Variants in SRBD1 observed in about 807,000 individuals in gnomAD.
SRBD1 encodes the protein S1 RNA-binding domain-containing protein 1.
SRBD1 carries 88 observed loss-of-function variants against 115.3 expected under a neutral mutation model. The observed-to-expected ratio is 0.76, with a 90% CI of 0.64 to 0.91. SRBD1 has a LOEUF of 0.91. SRBD1 is among the 40% of genes least tolerant of loss of function. The pLI is 0.00. For synonymous variants in SRBD1, 509 were observed against 407.7 expected, an observed-to-expected ratio of 1.25 and a Z score of -2.99; for missense variants, 1,385 against 1,177.4, an observed-to-expected ratio of 1.18 and a Z score of -2.58.
chr2:45,517,830 A>G (rs1172665001), intron 14 of SRBD1, among the ~76,000 whole-genome samples: 1 of 151,210 alleles, frequency 6.6e-6, no homozygotes, highest in Non-Finnish European at 1.5e-5. Flanking sequence ...TCTTGTCTGT[A>G]CCAAAAACAT....
At chr2:45,413,460 G>A (rs925258470) in intron 18 of SRBD1, among the ~76,000 whole-genome samples, 167 bp from the exon 19 acceptor site, 3 of 152,046 alleles carry the variant, frequency 2.0e-5, no homozygotes, top group Non-Finnish European at 4.4e-5. Flanking sequence ...TAAATCACTG[G>A]GAAAAGGGCT....
At chr2:45,563,119 A>G (rs1438499009) in intron 9 of SRBD1, among the ~76,000 whole-genome samples, 1 of 152,198 alleles carries the variant, frequency 6.6e-6, no homozygotes, top group African/African-American at 2.4e-5. Context: ...AAATACAAAC[A>G]TGTAAAATCC....
intron 16 of SRBD1, among the ~76,000 whole-genome samples, chr2:45,453,637 C>T (rs1209760493): frequency 6.7e-6 from 1 of 149,866 alleles, no homozygotes; most frequent in Non-Finnish European, 1.5e-5. Context: ...TAGCTTCTAA[C>T]TAGTGTTCCT....
chr2:45,608,958 C>T (rs758916546), intron 1 of SRBD1, among the ~76,000 whole-genome samples: 1 of 151,936 alleles, frequency 6.6e-6, no homozygotes, highest in Non-Finnish European at 1.5e-5. Flanking sequence ...CAGGCGTGTA[C>T]CACCACACCC....
At chr2:45,573,385 T>G in intron 8 of SRBD1, 43 bp from the exon 9 acceptor site, 1 of 1,576,862 alleles carries the variant, frequency 6.3e-7, no homozygotes, top group Non-Finnish European at 8.6e-7. Flanking sequence ...CAGTTATTAA[T>G]TTGTGCTTTA....
intron 14 of SRBD1, among the ~76,000 whole-genome samples, chr2:45,517,208 T>A (rs964533827): frequency 2.0e-5 from 3 of 152,226 alleles, no homozygotes; most frequent in Non-Finnish European, 2.9e-5. Context: ...TATCAGGCCA[T>A]GTTCTCTTCC....
Position 45,486,730 on chromosome 2 carries a change from C to CA in SRBD1, c.1966+1509dup, listed in dbSNP as rs555604166. ...CCTGGGTGACAGCGAGACCCCATCTCAAAAAAAATAAAATAAAATAAAATA... is the reference window on the plus strand; with the variant it reads ...CCTGGGTGACAGCGAGACCCCATCTCAAAAAAAAATAAAATAAAATAAAATA... On this transcript the variant is annotated intron_variant, in intron 15 of 20. Coordinates refer to ENST00000263736, the MANE Select transcript of SRBD1 (RefSeq NM_018079.5). Among the ~76,000 whole-genome samples, 337 of 145,782 alleles carry CA rather than the reference C, an allele frequency of 2.3e-3. 2 individuals are homozygous for CA. Among genetic ancestry groups the CA allele is most frequent in the African/African-American group, 8.4e-3 (328 of 38,846 alleles).
intron 14 of SRBD1, among the ~76,000 whole-genome samples, chr2:45,521,476 G>A (rs4510269): frequency 0.04 from 6,140 of 152,088 alleles, 219 homozygotes; most frequent in East Asian, 0.13. Flanking sequence ...CCTACTAGAT[G>A]TCTATAATTT....
chr2:45,603,873 GC>G (rs1441317070), intron 2 of SRBD1, among the ~76,000 whole-genome samples: 2 of 151,902 alleles, frequency 1.3e-5, no homozygotes, highest in Non-Finnish European at 2.9e-5. Flanking sequence ...GACCTTCCCC[GC>G]TTGAGCTCAA....
intron 17 of SRBD1, 84 bp downstream of exon 17, chr2:45,419,704 G>A (rs1027639468): frequency 6.0e-6 from 7 of 1,170,948 alleles, no homozygotes; most frequent in Admixed American, 3.4e-5. Flanking sequence ...CTTTATACAC[G>A]TGTTCCCTTC....
chr2:45,550,617 A>T (rs114471539), intron 12 of SRBD1, among the ~76,000 whole-genome samples: 68 of 152,312 alleles, frequency 4.5e-4, no homozygotes, highest in South Asian at 3.5e-3. Context: ...AGACAAACTA[A>T]AACTAAGACA....
chr2:45,468,411 A>G (rs986667005), intron 16 of SRBD1, among the ~76,000 whole-genome samples: 6 of 148,014 alleles, frequency 4.1e-5, no homozygotes, highest in African/African-American at 1.5e-4. Flanking sequence ...TTTTTGACAC[A>G]GGGTCTCACT....
intron 2 of SRBD1, among the ~76,000 whole-genome samples, chr2:45,604,392 G>A (rs1442823841): frequency 2.6e-5 from 4 of 151,138 alleles, no homozygotes; most frequent in Non-Finnish European, 4.4e-5. Flanking sequence ...GAAGGGGGGT[G>A]GAGGAAGGGG....
intron 16 of SRBD1, among the ~76,000 whole-genome samples, chr2:45,461,460 G>A (rs894910749): frequency 6.6e-6 from 1 of 152,072 alleles, no homozygotes; most frequent in African/African-American, 2.4e-5. Context: ...TCCACTCCAA[G>A]GAAAACAACC....
chr2:45,457,825 TATGCTTTTAGAAAAA>T (rs1380936106), intron 16 of SRBD1, among the ~76,000 whole-genome samples: 3 of 151,912 alleles, frequency 2.0e-5, no homozygotes, highest in Non-Finnish European at 4.4e-5. Flanking sequence ...TTCAAGGACT[TATGCTTTTAGAAAAA>T]AATGTAGGTG....
rs1669792426 is a variant in SRBD1, at chr2:45,475,974, C to A, written c.2049+1019G>T. 2.6e-5 allele frequency among the ~76,000 whole-genome samples: 4 copies of A among 152,364 alleles called. No individual in the cohort carries two copies. In the South Asian group the frequency reaches 8.3e-4, roughly 32 times the overall value. On this transcript the variant is annotated intron_variant, in intron 16 of 20. Transcript: ENST00000263736. ...TTGGCCTCCCAAAGTGCTGGGATTA[C>A]AGGCATGAGCCACTGCACCTAGCCA...
At chr2:45,404,224 A>C (rs1231610152) in intron 19 of SRBD1, among the ~76,000 whole-genome samples, 1 of 152,184 alleles carries the variant, frequency 6.6e-6, no homozygotes, top group Non-Finnish European at 1.5e-5. Context: ...AAAAGATTAT[A>C]GTTGAAGATT....
intron 19 of SRBD1, among the ~76,000 whole-genome samples, chr2:45,408,658 G>C (rs73925642): frequency 1.3e-5 from 2 of 152,078 alleles, no homozygotes; most frequent in Non-Finnish European, 2.9e-5. Context: ...TGTGTTACTT[G>C]GTGATGTATT....
At chr2:45,395,485 C>T (rs1572588531) in intron 19 of SRBD1, among the ~76,000 whole-genome samples, 1 of 152,134 alleles carries the variant, frequency 6.6e-6, no homozygotes, top group South Asian at 2.1e-4. Flanking sequence ...TCTGTTTAAC[C>T]TGGGTGCGTA....
Sources: gnomAD v4.1 joint callset for allele counts (sites outside exome capture counted in the v4.1 genomes callset) on GRCh38, gnomAD v4.1.1 for gene constraint, MANE v1.5 for transcripts, NCBI Gene and HGNC (gene_info 2026-07-23, HGNC 2026-07-21) for gene names.